DOCK3: variants seen among roughly 807,000 people sequenced by gnomAD.
The protein encoded by DOCK3 is dedicator of cytokinesis 3, also known as dedicator of cytokinesis protein 3.
Under a neutral mutation model 265.6 loss-of-function variants are expected in DOCK3, and 60 were observed. The ratio of observed to expected loss-of-function variants is 0.23; its 90% confidence interval spans 0.18 to 0.28. The LOEUF is 0.28. DOCK3 is among the 10% of genes least tolerant of loss of function. DOCK3 has a pLI of 1.00. For missense variants in DOCK3, 1,981 were observed against 2,594.3 expected (o/e 0.76, Z 5.14); for synonymous variants, 881 against 938.0 (o/e 0.94, Z 1.11).
At position 51,333,044 on chromosome 3, in the gene DOCK3, G is replaced by A; in HGVS notation, c.3515+17G>A. ...CTACCCCAGGTAAGACTGCAGTGTG[G>A]TAAGTCTGCTGTCTCCAGATCCATC... On this transcript the variant is annotated intron_variant, in intron 34 of 52. Coordinates refer to ENST00000266037, the MANE Select transcript of DOCK3 (RefSeq NM_004947.5). 1 of 1,613,974 alleles carries A rather than the reference G, an allele frequency of 6.2e-7. No homozygotes were observed. The highest frequency in any genetic ancestry group is 8.5e-7 in the Non-Finnish European group (1 of 1,179,860).
At chr3:50,927,054 C>T (rs998515510) in intron 4 of DOCK3, among the ~76,000 whole-genome samples, 1 of 152,220 alleles carries the variant, frequency 6.6e-6, no homozygotes, top group African/African-American at 2.4e-5. Flanking sequence ...TCCTGTCACC[C>T]TGTAACCTTC....
chr3:51,199,896 A>C (rs1390202829), intron 12 of DOCK3, among the ~76,000 whole-genome samples: 2 of 152,262 alleles, frequency 1.3e-5, no homozygotes, highest in African/African-American at 4.8e-5. Context: ...TGTTCTGCAG[A>C]CACCGCTGCT....
intron 3 of DOCK3, among the ~76,000 whole-genome samples, chr3:50,861,377 A>T (rs1454911662): frequency 6.6e-6 from 1 of 152,186 alleles, no homozygotes; most frequent in African/African-American, 2.4e-5. Context: ...AGAATGTCCC[A>T]TGCGCAGATG....
chr3:51,378,234 A>C (rs745346470), intron 51 of DOCK3, among the ~76,000 whole-genome samples: 2 of 152,178 alleles, frequency 1.3e-5, no homozygotes, highest in Non-Finnish European at 2.9e-5. Flanking sequence ...GAGACGGGGC[A>C]ATTCTCAGAA....
At chr3:50,692,334 C>T (rs566375915) in intron 1 of DOCK3, among the ~76,000 whole-genome samples, 8 of 152,136 alleles carry the variant, frequency 5.3e-5, no homozygotes, top group South Asian at 4.1e-4. Flanking sequence ...TTCCATGGAC[C>T]GCAGAAGGGA....
At chr3:50,822,570 C>T (rs557219640) in intron 2 of DOCK3, among the ~76,000 whole-genome samples, 139 of 152,092 alleles carry the variant, frequency 9.1e-4, no homozygotes, top group South Asian at 2.1e-3. Flanking sequence ...AATCATAGCT[C>T]ACTGCAGCCT....
At chr3:51,203,628 T>C (rs561661321) in intron 12 of DOCK3, among the ~76,000 whole-genome samples, 1,842 of 152,288 alleles carry the variant, frequency 0.012, 42 homozygotes, top group African/African-American at 0.042. Flanking sequence ...CCCATCAAGC[T>C]ACCAATGACT....
intron 22 of DOCK3, among the ~76,000 whole-genome samples, chr3:51,249,550 T>G (rs1349620682): frequency 3.3e-5 from 2 of 59,994 alleles, no homozygotes; most frequent in African/African-American, 6.4e-5. Context: ...GGGAGGGAGG[T>G]GGGCGGGTCA....
rs192625592 is a variant in DOCK3 at position 50,875,050 on chromosome 3, G to T, written c.163-14976G>T. Among the ~76,000 whole-genome samples, 10 of 152,158 alleles carry T rather than the reference G, an allele frequency of 6.6e-5. 1 individual carries two copies. The East Asian group carries it at 1.9e-3, about 29-fold the overall frequency. On this transcript the variant is annotated intron_variant, in intron 3 of 52. Coordinates refer to ENST00000266037, the MANE Select transcript of DOCK3 (RefSeq NM_004947.5). ...ACAGGGAGGGGAACGTCACACACCG[G>T]AGTTGTGGGGGAGGGGTGGGAGAGC...
intron 5 of DOCK3, among the ~76,000 whole-genome samples, chr3:51,010,020 G>A (rs1362396343): frequency 6.6e-6 from 1 of 152,200 alleles, no homozygotes; most frequent in African/African-American, 2.4e-5. Context: ...CATTTGCTGA[G>A]GAGTGCTTTA....
intron 1 of DOCK3, among the ~76,000 whole-genome samples, chr3:50,734,883 G>T (rs987981650): frequency 4.6e-5 from 7 of 152,036 alleles, no homozygotes; most frequent in Admixed American, 3.9e-4. Flanking sequence ...GATTACAGGC[G>T]TCAGCCACCG....
At chr3:51,229,458 A>G in intron 18 of DOCK3, 54 bp from the exon 19 acceptor site, 5 of 1,386,530 alleles carry the variant, frequency 3.6e-6, no homozygotes, top group Non-Finnish European at 4.9e-6. Context: ...CTAAAAAAAA[A>G]AAAAAGAATA....
chr3:51,277,851 T>G, intron 26 of DOCK3, 97 bp downstream of exon 26: 1 of 1,540,774 alleles, frequency 6.5e-7, no homozygotes, highest in Admixed American at 2.0e-5. Context: ...CACCTTCATC[T>G]CAGCCTTCCC....
intron 3 of DOCK3, chr3:50,881,297 G>T (rs2048008349): frequency 6.6e-6 from 1 of 152,220 alleles, no homozygotes; most frequent in Admixed American, 6.5e-5. Context: ...GCAAGAGAAA[G>T]AAATAAAGGG....
At chr3:50,858,876 TTC>T (rs2046760061) in intron 3 of DOCK3, among the ~76,000 whole-genome samples, 1 of 152,170 alleles carries the variant, frequency 6.6e-6, no homozygotes, top group South Asian at 2.1e-4. Flanking sequence ...TTCTTTATTT[TTC>T]TCTGTCTTAT....
At chr3:50,941,131 G>A (rs1334862602) in intron 5 of DOCK3, among the ~76,000 whole-genome samples, 9 of 151,960 alleles carry the variant, frequency 5.9e-5, no homozygotes, top group Non-Finnish European at 1.3e-4. Context: ...AGGATGAAAA[G>A]GTAAGCCATA....
At chr3:50,700,227 G>A (rs551005862) in intron 1 of DOCK3, among the ~76,000 whole-genome samples, 6 of 152,144 alleles carry the variant, frequency 3.9e-5, no homozygotes, top group East Asian at 3.9e-4. Flanking sequence ...TGCAATGAGC[G>A]GAGATCGCAC....
intron 5 of DOCK3, among the ~76,000 whole-genome samples, chr3:51,048,845 A>G (rs1354167999): frequency 1.3e-5 from 2 of 151,540 alleles, no homozygotes; most frequent in Non-Finnish European, 2.9e-5. Context: ...CCTGAGCGAC[A>G]GAGCGAGACT....
chr3:50,733,670 C>G (rs544173408), intron 1 of DOCK3, among the ~76,000 whole-genome samples: 1 of 152,278 alleles, frequency 6.6e-6, no homozygotes, highest in South Asian at 2.1e-4. Context: ...CTTTTAAAAT[C>G]CATTTGGCCA....
Sources: allele counts gnomAD v4.1 joint callset (sites outside exome capture counted in the v4.1 genomes callset), GRCh38; gene constraint gnomAD v4.1.1; transcripts MANE v1.5; gene names NCBI Gene and HGNC (gene_info 2026-07-23, HGNC 2026-07-21).